NAV3: variants seen among roughly 807,000 people sequenced by gnomAD.
NAV3 encodes the protein neuron navigator 3.
Under a neutral mutation model 244.7 loss-of-function variants are expected in NAV3, and 87 were observed. The observed-to-expected ratio is 0.36, with a 90% CI of 0.30 to 0.42. The LOEUF (loss-of-function observed/expected upper bound fraction) is 0.42, where lower values mean the gene tolerates loss of function less well. Ranked by LOEUF, NAV3 falls within the 20% of genes least tolerant of loss-of-function variation. NAV3 has a pLI of 1.00. For missense variants in NAV3, 2,663 were observed against 2,893.3 expected (o/e 0.92, Z 1.83); for synonymous variants, 1,126 against 1,042.2 (o/e 1.08, Z -1.55).
intron 12 of NAV3, among the ~76,000 whole-genome samples, chr12:78,073,863 A>G (rs1039645163): frequency 3.3e-5 from 5 of 152,220 alleles, no homozygotes; most frequent in African/African-American, 1.2e-4. Flanking sequence ...ATGGAACAGA[A>G]CAGAGCCCTC....
At chr12:77,683,446 A>G (rs932760938) in intron 2 of NAV3, among the ~76,000 whole-genome samples, 2 of 152,036 alleles carry the variant, frequency 1.3e-5, no homozygotes, top group African/African-American at 4.8e-5. Context: ...ACTGGTAGTC[A>G]GGTAATATGA....
intron 2 of NAV3, among the ~76,000 whole-genome samples, chr12:77,704,016 A>G (rs1011679254): frequency 1.3e-5 from 2 of 152,196 alleles, no homozygotes; most frequent in Non-Finnish European, 2.9e-5. Context: ...AAAGAAATGG[A>G]TATCTTGTTG....
intron 2 of NAV3, among the ~76,000 whole-genome samples, chr12:77,620,954 A>G (rs893804760): frequency 1.6e-4 from 25 of 152,352 alleles, no homozygotes; most frequent in African/African-American, 5.8e-4. Context: ...TGTGGTAAAA[A>G]TTTGAAACAA....
At chr12:78,192,952 G>A (rs1470080069) in intron 34 of NAV3, among the ~76,000 whole-genome samples, 1 of 152,048 alleles carries the variant, frequency 6.6e-6, no homozygotes, top group Non-Finnish European at 1.5e-5. Context: ...TATAAAAAAA[G>A]AGGGGATGAC....
chr12:78,142,288 A>C (rs1956648598), intron 20 of NAV3, among the ~76,000 whole-genome samples: 1 of 152,030 alleles, frequency 6.6e-6, no homozygotes, highest in South Asian at 2.1e-4. Context: ...TTCCTCAAGA[A>C]AAGGATCATG....
At chr12:78,103,240 G>T (rs185349998) in intron 12 of NAV3, among the ~76,000 whole-genome samples, 149 of 152,250 alleles carry the variant, frequency 9.8e-4, no homozygotes, top group African/African-American at 3.2e-3. Flanking sequence ...CAAGTTCAGA[G>T]TTCCACAAAT....
chr12:77,868,122 A>G (rs907417577), intron 1 of NAV3, among the ~76,000 whole-genome samples: 2 of 152,170 alleles, frequency 1.3e-5, no homozygotes, highest in African/African-American at 2.4e-5. Context: ...TATTAAAATT[A>G]GGAAGAAGTT....
intron 2 of NAV3, among the ~76,000 whole-genome samples, chr12:77,628,962 A>G (rs1004156082): frequency 7.9e-5 from 12 of 152,116 alleles, no homozygotes; most frequent in Non-Finnish European, 8.8e-5. Context: ...CAGAATTACA[A>G]ATTTCTTAAT....
chr12:77,868,728 C>T (rs1365469819), intron 1 of NAV3, among the ~76,000 whole-genome samples: 5 of 143,376 alleles, frequency 3.5e-5, no homozygotes, highest in African/African-American at 1.3e-4. Context: ...TGCACTCCAG[C>T]CTGGGTGACA....
chr12:77,882,988 G>T lies in NAV3; in HGVS notation c.243+51284G>T, dbSNP rs183253934. ...GGAAATGCTTATACACTGTTGGTAG[G>T]AATGTAAATTAGGTCAGCCTCTGTG... On this transcript the variant is annotated intron_variant, in intron 1 of 39. Transcript: ENST00000397909. Among the ~76,000 whole-genome samples the T allele has an allele frequency of 3.3e-5, 5 of 152,270 alleles. No individual in the cohort carries two copies. The East Asian group carries it at 9.6e-4, about 29-fold the overall frequency.
chr12:77,857,739 A>G, intron 1 of NAV3, among the ~76,000 whole-genome samples: 1 of 152,108 alleles, frequency 6.6e-6, no homozygotes. Context: ...AAAACTAATT[A>G]AATATCCATA....
chr12:77,608,561 A>G (rs1870771596), intron 2 of NAV3, among the ~76,000 whole-genome samples: 1 of 152,136 alleles, frequency 6.6e-6, no homozygotes, highest in Admixed American at 6.6e-5. Context: ...GGTCTTACTG[A>G]GGCTCAAAAT....
chr12:77,586,355 C>G (rs1465706242), intron 2 of NAV3, among the ~76,000 whole-genome samples: 2 of 152,126 alleles, frequency 1.3e-5, no homozygotes, highest in Non-Finnish European at 2.9e-5. Context: ...TTATATGCTT[C>G]TTTTACATGG....
intron 2 of NAV3, among the ~76,000 whole-genome samples, chr12:77,637,086 C>T (rs1872191211): frequency 6.6e-6 from 1 of 151,966 alleles, no homozygotes; most frequent in South Asian, 2.1e-4. Flanking sequence ...ACATGTATAC[C>T]TGTGTAACAA....
rs544005935 is a variant in NAV3 at position 77,975,937 on chromosome 12, G to T, written c.671+7235G>T. On this transcript the variant is annotated intron_variant, in intron 5 of 39. Transcript: ENST00000397909. ...TGGAAAAAGCTTGGGCTATCATGTT[G>T]AAAGTGCAGAGAGGAAGTTAAATGC... Among the ~76,000 whole-genome samples the T allele has an allele frequency of 1.5e-4, 23 of 152,308 alleles. 1 individual carries two copies. The highest frequency in any genetic ancestry group is 1.4e-3 in the Admixed American group (22 of 15,304).
At chr12:77,881,076 G>A (rs73342722) in intron 1 of NAV3, among the ~76,000 whole-genome samples, 1 of 152,154 alleles carries the variant, frequency 6.6e-6, no homozygotes, top group Admixed American at 6.6e-5. Context: ...CTCCTGAGTA[G>A]CTAGCCCAGC....
chr12:77,732,174 C>T (rs1877153536), intron 2 of NAV3, among the ~76,000 whole-genome samples: 1 of 151,908 alleles, frequency 6.6e-6, no homozygotes, highest in South Asian at 2.1e-4. Context: ...ATTTAATGGC[C>T]TACTCAGCAG....
intron 2 of NAV3, among the ~76,000 whole-genome samples, chr12:77,722,119 A>G (rs2137299131): frequency 6.6e-6 from 1 of 152,162 alleles, no homozygotes; most frequent in African/African-American, 2.4e-5. Context: ...AAGCCCACAA[A>G]CAACCCTTTT....
intron 9 of NAV3, among the ~76,000 whole-genome samples, chr12:78,030,539 G>A (rs1878804692): frequency 6.6e-6 from 1 of 152,164 alleles, no homozygotes; most frequent in Admixed American, 6.5e-5. Context: ...TTTCTGTGTG[G>A]TGAATATGAT....
Sources: allele counts gnomAD v4.1 joint callset (sites outside exome capture counted in the v4.1 genomes callset), GRCh38; gene constraint gnomAD v4.1.1; transcripts MANE v1.5; gene names NCBI Gene and HGNC (gene_info 2026-07-23, HGNC 2026-07-21).